The following COL4A5 variants were observed in gnomAD, a reference collection of about 807,000 sequenced individuals.
COL4A5 encodes collagen alpha-5(IV) chain.
Under a neutral mutation model 130.2 loss-of-function variants are expected in COL4A5, and 26 were observed. The ratio of observed to expected loss-of-function variants is 0.20; its 90% CI spans 0.15 to 0.28. The LOEUF (loss-of-function observed/expected upper bound fraction) is 0.28, where lower values mean the gene tolerates loss of function less well. COL4A5 is among the 10% of genes least tolerant of loss of function. The probability of loss-of-function intolerance (pLI) is 1.00; values close to 1 mark genes in which losing one functional copy is unlikely to be tolerated. For missense variants in COL4A5, 1,131 were observed against 1,344.3 expected (o/e 0.84, Z 2.48); for synonymous variants, 496 against 439.6 (o/e 1.13, Z -1.60).
At chrX:108,571,382 C>T (rs776382119) in intron 6 of COL4A5, 31 bp from the exon 7 acceptor site, 1 of 1,100,739 alleles carries the variant, frequency 9.1e-7, no homozygotes, top group Non-Finnish European at 1.3e-6. Context: ...TTTCTTGTTC[C>T]TCCATGCTCT....
chrX:108,622,858 C>G, intron 33 of COL4A5, 33 bp downstream of exon 33: 1 of 1,163,050 alleles, frequency 8.6e-7, no homozygotes, highest in South Asian at 1.9e-5. Flanking sequence ...GAATATTTTT[C>G]CTGATATATC....
intron 1 of COL4A5, among the ~76,000 whole-genome samples, chrX:108,524,286 T>C (rs1215544148): frequency 9.0e-6 from 1 of 111,637 alleles, no homozygotes; most frequent in Non-Finnish European, 1.9e-5. Flanking sequence ...TACCATTAAG[T>C]ATAGCGTTAG....
intron 37 of COL4A5, among the ~76,000 whole-genome samples, chrX:108,663,720 C>T (rs756364508): frequency 1.9e-5 from 2 of 106,809 alleles, no homozygotes; most frequent in South Asian, 4.1e-4. Context: ...GCACATCCTG[C>T]ATACGTACCC....
chrX:108,597,483 C>A lies in COL4A5; in HGVS notation c.1694C>A (p.Ser565Tyr). ...GMKGDKGELG[S>Y]PGAPGLPGLP... ...AAGGGTGACAAAGGAGAGTTGGGTT[C>A]CCCTGGAGCTCCAGGGCTTCCTGGT... The change falls in exon 24 of 53, where the codon TCC becomes TAC. Residue 565 changes from serine (S) to tyrosine (Y), a missense_variant. Coordinates refer to ENST00000328300, the MANE Select transcript of COL4A5 (RefSeq NM_033380.3). 1 of 1,209,832 alleles carries A rather than the reference C, an allele frequency of 8.3e-7. No homozygotes were observed.
rs952333242 is a variant in COL4A5 at position 108,497,930 on chromosome X, T to C, written c.82-41816T>C. Among the ~76,000 whole-genome samples the C allele has an allele frequency of 2.7e-5, 3 of 111,810 alleles. 1 individual carries two copies. Among genetic ancestry groups the C allele is most frequent in the Non-Finnish European group, 5.6e-5 (3 of 53,101 alleles). ...ATACCAGTTCTTTATTATATGTACA[T>C]TTCACAAAAGTTTTCTTCCAGTTTG... On this transcript the variant is annotated intron_variant, in intron 1 of 52. Transcript: ENST00000328300.
At chrX:108,634,636 T>C (rs2147891085) in intron 36 of COL4A5, among the ~76,000 whole-genome samples, 1 of 112,063 alleles carries the variant, frequency 8.9e-6, no homozygotes, top group Admixed American at 9.5e-5. Context: ...GTAACTTTTT[T>C]ACAATGAAAT....
intron 37 of COL4A5, among the ~76,000 whole-genome samples, chrX:108,663,601 T>C (rs1023766263): frequency 1.8e-5 from 2 of 110,370 alleles, no homozygotes; most frequent in Non-Finnish European, 3.8e-5. Context: ...GTCAGGGGGA[T>C]GGAGAGCATC....
chrX:108,488,194 CAT>C (rs1267370389), intron 1 of COL4A5, among the ~76,000 whole-genome samples: 1 of 112,490 alleles, frequency 8.9e-6, no homozygotes, highest in African/African-American at 3.2e-5. Context: ...CACTTGCAAA[CAT>C]GTGCACACAT....
chrX:108,557,851 A>T (rs1344353619), intron 2 of COL4A5, among the ~76,000 whole-genome samples: 1 of 110,610 alleles, frequency 9.0e-6, no homozygotes, highest in Non-Finnish European at 1.9e-5. Flanking sequence ...TTCGAGCCTT[A>T]GAAAAGTGGA....
At chrX:108,657,263 C>T (rs192763830) in intron 37 of COL4A5, among the ~76,000 whole-genome samples, 39 of 110,756 alleles carry the variant, frequency 3.5e-4, no homozygotes, top group African/African-American at 1.1e-3. Context: ...AGAACCTAAA[C>T]GCATCCAATA....
chrX:108,473,637 T>A (rs1235612278), intron 1 of COL4A5, among the ~76,000 whole-genome samples: 24 of 22,565 alleles, frequency 1.1e-3, no homozygotes, highest in Middle Eastern at 0.029. Flanking sequence ...ATATATATTT[T>A]TTTTTTTTTG....
At chrX:108,519,040 G>A (rs1287845816) in intron 1 of COL4A5, among the ~76,000 whole-genome samples, 1 of 111,467 alleles carries the variant, frequency 9.0e-6, no homozygotes, top group Non-Finnish European at 1.9e-5. Context: ...TAAAATGATG[G>A]AAATAGATTA....
At chrX:108,458,367 C>A (rs911032850) in intron 1 of COL4A5, among the ~76,000 whole-genome samples, 45 of 111,690 alleles carry the variant, frequency 4.0e-4, no homozygotes, top group African/African-American at 1.4e-3. Context: ...GTATTCTAGT[C>A]TGTTTCACCA....
intron 1 of COL4A5, among the ~76,000 whole-genome samples, chrX:108,487,634 T>G (rs1311211947): frequency 2.7e-5 from 3 of 112,014 alleles, no homozygotes; most frequent in Non-Finnish European, 5.6e-5. Flanking sequence ...AGATTGTTTA[T>G]TCCACTTAAA....
intron 2 of COL4A5, among the ~76,000 whole-genome samples, chrX:108,554,939 A>G (rs188830085): frequency 2.7e-5 from 3 of 112,582 alleles, no homozygotes; most frequent in East Asian, 5.6e-4. Flanking sequence ...GATTTATTCT[A>G]TGTTAATTAT....
At chrX:108,638,414 A>C (rs769060074) in intron 36 of COL4A5, among the ~76,000 whole-genome samples, 6 of 111,368 alleles carry the variant, frequency 5.4e-5, no homozygotes, top group Non-Finnish European at 7.5e-5. Context: ...CTAGGAATAG[A>C]AGCGAACTAT....
intron 36 of COL4A5, among the ~76,000 whole-genome samples, chrX:108,634,518 T>G (rs919107460): frequency 6.3e-5 from 7 of 111,738 alleles, no homozygotes; most frequent in African/African-American, 2.3e-4. Context: ...GAAGCTGATC[T>G]CAGTTTAGAA....
At position 108,601,205 on chromosome X, in the gene COL4A5, T is replaced by C. The variant is rs112610488; in HGVS notation, c.1949-188T>C. On this transcript the variant is annotated intron_variant, in intron 25 of 52. Coordinates refer to ENST00000328300, the MANE Select transcript of COL4A5 (RefSeq NM_033380.3). ...TTAAGGCTGTCATATCCTTTTTCTT[T>C]TTGAAATTCTATCCTTCTGTTTTAT... Among the ~76,000 whole-genome samples, 808 of 112,211 alleles carry C rather than the reference T, an allele frequency of 7.2e-3. 4 individuals carry two copies. The highest frequency in any genetic ancestry group is 0.035 in the East Asian group (126 of 3,551).
At chrX:108,553,335 A>G (rs180930658) in intron 2 of COL4A5, among the ~76,000 whole-genome samples, 12 of 112,166 alleles carry the variant, frequency 1.1e-4, no homozygotes, top group South Asian at 3.7e-4. Context: ...TGCAAATTAC[A>G]TATCTGATAG....
Sources: allele counts gnomAD v4.1 joint callset (sites outside exome capture counted in the v4.1 genomes callset), GRCh38; gene constraint gnomAD v4.1.1; transcripts MANE v1.5; gene names NCBI Gene and HGNC (gene_info 2026-07-23, HGNC 2026-07-21).